Variants in PPFIA2 observed in about 807,000 individuals in gnomAD.
PPFIA2 encodes PPFI scaffold protein A2.
In PPFIA2, 46 loss-of-function variants were observed where a neutral mutation model predicts 175.5. The ratio of observed to expected loss-of-function variants is 0.26; its 90% CI spans 0.21 to 0.34. The LOEUF is 0.34. Ranked by LOEUF, PPFIA2 falls within the 10% of genes least tolerant of loss-of-function variation. The pLI is 1.00. For missense variants in PPFIA2, 1,179 were observed against 1,506.1 expected (o/e 0.78, Z 3.60); for synonymous variants, 568 against 511.4 (o/e 1.11, Z -1.49).
At chr12:81,389,471 T>G (rs2142175193) in intron 8 of PPFIA2, among the ~76,000 whole-genome samples, 1 of 152,160 alleles carries the variant, frequency 6.6e-6, no homozygotes, top group East Asian at 1.9e-4. Context: ...GTCTTTATGC[T>G]ACTGTGTTGG....
At chr12:81,476,659 C>T (rs756324805) in intron 4 of PPFIA2, among the ~76,000 whole-genome samples, 2 of 152,122 alleles carry the variant, frequency 1.3e-5, no homozygotes, top group African/African-American at 2.4e-5. Context: ...GGCAATTCCT[C>T]AAAGACCTAG....
intron 7 of PPFIA2, among the ~76,000 whole-genome samples, chr12:81,411,732 G>T (rs1487941246): frequency 6.6e-6 from 1 of 152,012 alleles, no homozygotes; most frequent in African/African-American, 2.4e-5. Context: ...CATACCAGGC[G>T]TTAGGGAAAC....
In PPFIA2 at chr12:81,642,737, GTA is replaced by G. The variant is rs1567688608; in HGVS notation, c.303+34052_303+34053del. The stretch of plus-strand genomic sequence containing the variant: ...ATGTATTATATACATACATGTATAT[GTA>G]TGTATGTATTATATACATACATGTA... On this transcript the variant is annotated intron_variant, in intron 4 of 32. Coordinates refer to ENST00000549396, the MANE Select transcript of PPFIA2 (RefSeq NM_003625.5). Among the ~76,000 whole-genome samples, 2 of 21,174 alleles carry G rather than the reference GTA, an allele frequency of 9.4e-5. 1 individual carries two copies. The highest frequency in any genetic ancestry group is 2.5e-4 in the African/African-American group (2 of 7,994). 13.9% of individuals were successfully genotyped at this position (21,174 alleles called of 152,430 possible). A position where few individuals can be genotyped will look rare whatever the true frequency, so the allele number is the denominator to read the frequency against.
chr12:81,504,170 T>C (rs187503500), intron 4 of PPFIA2, among the ~76,000 whole-genome samples: 20 of 152,202 alleles, frequency 1.3e-4, no homozygotes, highest in African/African-American at 4.6e-4. Context: ...TCATAAATTC[T>C]TGAAGCTCAG....
At chr12:81,361,985 GTATCTATCTATGTATCTATGTATC>G (rs1349389533) in intron 15 of PPFIA2, among the ~76,000 whole-genome samples, 1 of 145,072 alleles carries the variant, frequency 6.9e-6, no homozygotes, top group Admixed American at 7.1e-5. Flanking sequence ...ATCTATCTAT[GTATCTATCTATGTATCTATGTATC>G]TATCTATCTA....
intron 4 of PPFIA2, among the ~76,000 whole-genome samples, chr12:81,542,686 A>G (rs2066401806): frequency 6.6e-6 from 1 of 152,084 alleles, no homozygotes; most frequent in Non-Finnish European, 1.5e-5. Flanking sequence ...ACCTTAGAAA[A>G]TTTGTGAATA....
chr12:81,454,362 T>C (rs1303495772), intron 5 of PPFIA2, among the ~76,000 whole-genome samples: 1 of 152,180 alleles, frequency 6.6e-6, no homozygotes, highest in Non-Finnish European at 1.5e-5. Flanking sequence ...GAGAAGGAAG[T>C]AGTGGACTCT....
chr12:81,662,502 A>T (rs992403289), intron 4 of PPFIA2, among the ~76,000 whole-genome samples: 1 of 152,202 alleles, frequency 6.6e-6, no homozygotes, highest in African/African-American at 2.4e-5. Context: ...CTAAACCAGG[A>T]AGAAGTTGAA....
chr12:81,560,562 G>A (rs2069834551), intron 4 of PPFIA2, among the ~76,000 whole-genome samples: 1 of 152,136 alleles, frequency 6.6e-6, no homozygotes, highest in African/African-American at 2.4e-5. Flanking sequence ...AAGAGCCTAT[G>A]TGTCAGGCAG....
intron 22 of PPFIA2, among the ~76,000 whole-genome samples, chr12:81,314,430 G>T (rs1440099199): frequency 6.6e-6 from 1 of 151,904 alleles, no homozygotes; most frequent in Non-Finnish European, 1.5e-5. Flanking sequence ...AAAGACCATT[G>T]TGAGTAATTG....
chr12:81,703,794 C>T (rs1374320459), intron 3 of PPFIA2, among the ~76,000 whole-genome samples: 1 of 152,032 alleles, frequency 6.6e-6, no homozygotes, highest in Non-Finnish European at 1.5e-5. Flanking sequence ...CCACTGTGTA[C>T]CAAGCTGTGT....
Position 81,691,588 on chromosome 12 carries a change from A to G in PPFIA2, c.250-14744T>C, listed in dbSNP as rs1026546790. Among the ~76,000 whole-genome samples, 3 of 152,264 alleles carry G rather than the reference A, an allele frequency of 2.0e-5. No individual in the cohort carries two copies. The East Asian group carries it at 5.8e-4, about 29-fold the overall frequency. On this transcript the variant is annotated intron_variant, in intron 3 of 32. Transcript: ENST00000549396. Reference sequence around the variant, plus strand: ...CCAATACTAAGTGAATCATTTCAACAGATTTTGCCTGAACCTCCACTGCAA... The same window carrying G: ...CCAATACTAAGTGAATCATTTCAACGGATTTTGCCTGAACCTCCACTGCAA...
intron 4 of PPFIA2, among the ~76,000 whole-genome samples, chr12:81,619,383 G>A (rs1030466786): frequency 2.0e-5 from 3 of 152,164 alleles, no homozygotes; most frequent in Non-Finnish European, 4.4e-5. Context: ...GCCATAAGAT[G>A]TAAGTATCGT....
chr12:81,708,550 T>C, intron 3 of PPFIA2, among the ~76,000 whole-genome samples: 1 of 152,204 alleles, frequency 6.6e-6, no homozygotes, highest in Non-Finnish European at 1.5e-5. Context: ...TGACATGCAA[T>C]AGCATTAAAC....
chr12:81,758,501 C>T lies in PPFIA2; in HGVS notation c.-104G>A. ...AGGCTCACACCCAGCACTCCTGGAC[C>T]ATTTCCCTAGCAACGGGAGGAGAAA... is the stretch of plus-strand genomic sequence containing the variant. On this transcript the variant is annotated 5_prime_UTR_variant, in exon 2 of 33. The change abolishes an upstream ATG in the 5' untranslated region. Transcript: ENST00000549396. The T allele has an allele frequency of 2.2e-5, 10 of 451,368 alleles. No homozygotes were observed. Among genetic ancestry groups the T allele is most frequent in the South Asian group, 1.6e-4 (10 of 64,062 alleles). 28.0% of individuals were successfully genotyped at this position (451,368 alleles called of 1,614,324 possible).
rs145551642 is a variant in PPFIA2 at position 81,281,173 on chromosome 12, G to T, written c.3212+84C>A. On this transcript the variant is annotated intron_variant, in intron 27 of 32. Coordinates refer to ENST00000549396, the MANE Select transcript of PPFIA2 (RefSeq NM_003625.5). ...GACATATATTTTCTGTCTTCTAGACGTCCATTTTTGTTTTACTAAAGTATA... is the reference window on the plus strand; with the variant it reads ...GACATATATTTTCTGTCTTCTAGACTTCCATTTTTGTTTTACTAAAGTATA... The T allele has an allele frequency of 7.7e-5, 78 of 1,015,094 alleles. No individual in the cohort carries two copies. In the African/African-American group the frequency reaches 1.0e-3, roughly 13 times the overall value. 62.9% of individuals were successfully genotyped at this position (1,015,094 alleles called of 1,614,324 possible).
intron 14 of PPFIA2, among the ~76,000 whole-genome samples, chr12:81,365,551 A>G (rs923970925): frequency 6.6e-6 from 1 of 151,714 alleles, no homozygotes; most frequent in Admixed American, 6.6e-5. Context: ...ATCACGTCCA[A>G]AATTCACAAT....
At chr12:81,527,673 G>A (rs191603027) in intron 4 of PPFIA2, among the ~76,000 whole-genome samples, 1 of 151,924 alleles carries the variant, frequency 6.6e-6, no homozygotes, top group Non-Finnish European at 1.5e-5. Flanking sequence ...ATTTCTGATG[G>A]ACTGAATTCT....
intron 4 of PPFIA2, among the ~76,000 whole-genome samples, chr12:81,673,417 T>C (rs2071815267): frequency 6.6e-6 from 1 of 152,086 alleles, no homozygotes; most frequent in African/African-American, 2.4e-5. Flanking sequence ...AGTTCCCAAG[T>C]TTTTTACATT....
Sources: allele counts gnomAD v4.1 joint callset (sites outside exome capture counted in the v4.1 genomes callset), GRCh38; gene constraint gnomAD v4.1.1; transcripts MANE v1.5; gene names NCBI Gene and HGNC (gene_info 2026-07-23, HGNC 2026-07-21).